Variants in ERC1 observed in about 807,000 individuals in gnomAD.
ERC1 encodes ELKS/RAB6-interacting/CAST family member 1.
In ERC1, 56 loss-of-function variants were observed where a neutral mutation model predicts 132.0. The ratio of observed to expected loss-of-function variants is 0.42; its 90% CI spans 0.34 to 0.53. The LOEUF is 0.53. ERC1 is among the 20% of genes least tolerant of loss of function. The pLI, the probability that ERC1 is intolerant of heterozygous loss-of-function variation, is 0.03. For missense variants in ERC1, 1,202 were observed against 1,349.9 expected (o/e 0.89, Z 1.72); for synonymous variants, 478 against 476.1 (o/e 1.00, Z -0.05).
chr12:1,362,982 G>A (rs966795831), intron 15 of ERC1, among the ~76,000 whole-genome samples: 1 of 152,102 alleles, frequency 6.6e-6, no homozygotes, highest in Non-Finnish European at 1.5e-5. Flanking sequence ...CTTGATTAAG[G>A]AATAATATAA....
At chr12:1,061,848 G>T in intron 2 of ERC1, among the ~76,000 whole-genome samples, 1 of 151,774 alleles carries the variant, frequency 6.6e-6, no homozygotes, top group East Asian at 1.9e-4. Context: ...CAGGTTCCTT[G>T]AGATGCATTG....
chr12:1,315,384 T>C (rs559119736), intron 15 of ERC1, among the ~76,000 whole-genome samples: 1 of 152,192 alleles, frequency 6.6e-6, no homozygotes, highest in Non-Finnish European at 1.5e-5. Context: ...GAAGCCTTGC[T>C]CTGTCACCCA....
At chr12:1,460,683 T>A (rs905689359) in intron 18 of ERC1, among the ~76,000 whole-genome samples, 1 of 151,918 alleles carries the variant, frequency 6.6e-6, no homozygotes, top group Admixed American at 6.6e-5. Flanking sequence ...GGATTCAGGA[T>A]TGCAAGATGA....
intron 12 of ERC1, among the ~76,000 whole-genome samples, chr12:1,199,327 C>T (rs932620333): frequency 6.6e-6 from 1 of 152,230 alleles, no homozygotes; most frequent in Middle Eastern, 3.2e-3. Flanking sequence ...AGAGCCAAAC[C>T]ATGTCACTCA....
chr12:1,119,684 G>T (rs987777572), intron 7 of ERC1, among the ~76,000 whole-genome samples: 2 of 151,852 alleles, frequency 1.3e-5, no homozygotes, highest in Admixed American at 6.6e-5. Context: ...CCGAGTAGCT[G>T]GGATTATAGG....
chr12:1,163,867 C>T (rs1356379657), intron 8 of ERC1, among the ~76,000 whole-genome samples: 1 of 152,128 alleles, frequency 6.6e-6, no homozygotes, highest in Non-Finnish European at 1.5e-5. Context: ...AGGCATGCAG[C>T]ACCACACCTG....
intron 18 of ERC1, among the ~76,000 whole-genome samples, chr12:1,476,858 A>T (rs1044473600): frequency 2.0e-5 from 3 of 152,248 alleles, no homozygotes; most frequent in Admixed American, 2.0e-4. Flanking sequence ...AACAAACTAA[A>T]TGTCTATTGG....
chr12:1,127,212 C>G (rs1365582253), intron 7 of ERC1, among the ~76,000 whole-genome samples: 1 of 152,086 alleles, frequency 6.6e-6, no homozygotes, highest in Non-Finnish European at 1.5e-5. Flanking sequence ...AGATAACATT[C>G]AGTGCTTGTG....
intron 15 of ERC1, among the ~76,000 whole-genome samples, chr12:1,353,807 C>G (rs1256420024): frequency 6.6e-6 from 1 of 152,226 alleles, no homozygotes; most frequent in East Asian, 1.9e-4. Context: ...AATATAGCTT[C>G]TGCCTCCAGC....
chr12:1,081,449 T>C (rs1381323962), intron 2 of ERC1, among the ~76,000 whole-genome samples: 1 of 152,250 alleles, frequency 6.6e-6, no homozygotes, highest in Admixed American at 6.5e-5. Flanking sequence ...TTCTGCAATC[T>C]GCTCTGTTTT....
At chr12:1,190,662 A>G (rs773272099) in intron 12 of ERC1, among the ~76,000 whole-genome samples, 2 of 152,134 alleles carry the variant, frequency 1.3e-5, no homozygotes, top group African/African-American at 2.4e-5. Flanking sequence ...CAGGTCTCCT[A>G]TAATTTTTTT....
chr12:1,385,417 G>C (rs1039065303), intron 16 of ERC1, among the ~76,000 whole-genome samples: 4 of 152,052 alleles, frequency 2.6e-5, no homozygotes, highest in African/African-American at 9.7e-5. Context: ...CGAGTAGCTG[G>C]GACTACAGGC....
At chr12:990,934 C>CGTGT (rs758442595), upstream of ERC1, 8,812 of 99,360 alleles carry the variant, frequency 0.089, 369 homozygotes, top group Admixed American at 0.22. Context: ...CCGCAGGGGT[C>CGTGT]GTGTGTGTGT....
chr12:1,413,592 CA>C (rs1040589036), intron 17 of ERC1, among the ~76,000 whole-genome samples: 1 of 150,182 alleles, frequency 6.7e-6, no homozygotes, highest in Non-Finnish European at 1.5e-5. Flanking sequence ...AGACAGTCTC[CA>C]AAAAAAAGAA....
At chr12:1,457,744 T>C (rs1244860909) in intron 18 of ERC1, among the ~76,000 whole-genome samples, 1 of 151,548 alleles carries the variant, frequency 6.6e-6, no homozygotes, top group Non-Finnish European at 1.5e-5. Flanking sequence ...AAAAAAAAAA[T>C]TAGCCAAGTA....
At chr12:1,461,609 G>A (rs1038510564) in intron 18 of ERC1, among the ~76,000 whole-genome samples, 13 of 152,212 alleles carry the variant, frequency 8.5e-5, no homozygotes, top group East Asian at 5.8e-4. Flanking sequence ...CAGAGGTTGC[G>A]TGAGCTGAGA....
chr12:1,326,374 A>C (rs1374683409), intron 15 of ERC1, among the ~76,000 whole-genome samples: 1 of 152,178 alleles, frequency 6.6e-6, no homozygotes, highest in Non-Finnish European at 1.5e-5. Context: ...TTCTAGTCAG[A>C]CTGGGATAAT....
intron 14 of ERC1, among the ~76,000 whole-genome samples, chr12:1,288,306 G>T (rs2079173852): frequency 6.6e-6 from 1 of 152,104 alleles, no homozygotes; most frequent in Non-Finnish European, 1.5e-5. Context: ...GTAGAGACAG[G>T]GTTTTGCCAT....
At chr12:1,473,370 T>C (rs1283078836) in intron 18 of ERC1, among the ~76,000 whole-genome samples, 3 of 152,104 alleles carry the variant, frequency 2.0e-5, no homozygotes, top group Non-Finnish European at 4.4e-5. Flanking sequence ...AAGTTAGTTA[T>C]GGGAGAGCAG....
Sources: allele counts gnomAD v4.1 joint callset (sites outside exome capture counted in the v4.1 genomes callset), GRCh38; gene constraint gnomAD v4.1.1; transcripts MANE v1.5; gene names NCBI Gene and HGNC (gene_info 2026-07-23, HGNC 2026-07-21).